The following CPPED1 variants were observed in gnomAD, a reference collection of about 807,000 sequenced individuals.
CPPED1 encodes calcineurin like phosphoesterase domain containing 1.
In CPPED1, 28 loss-of-function variants were observed where a neutral mutation model predicts 28.0. That is an observed-to-expected ratio of 1.00 (90% CI 0.74 to 1.37). The LOEUF (loss-of-function observed/expected upper bound fraction) is 1.37, where lower values mean the gene tolerates loss of function less well. Among genes scored for constraint, CPPED1 ranks in the 40% most tolerant of loss-of-function variants. CPPED1 has a pLI of 0.00. For synonymous variants in CPPED1, 198 were observed against 180.2 expected (o/e 1.10, Z -0.79); for missense variants, 504 against 416.5 (o/e 1.21, Z -1.83).
intron 2 of CPPED1, among the ~76,000 whole-genome samples, chr16:12,742,534 C>A (rs1162861148): frequency 6.6e-6 from 1 of 152,192 alleles, no homozygotes; most frequent in Non-Finnish European, 1.5e-5. Flanking sequence ...TGCCTGCCAC[C>A]TTCCTCCAAA....
rs373564895 is a variant in CPPED1, at chr16:12,781,355, T to A, written c.119A>T (p.Asp40Val). The A allele has an allele frequency of 4.1e-5, 66 of 1,614,024 alleles. No individual in the cohort carries two copies. Among genetic ancestry groups the A allele is most frequent in the African/African-American group, 5.3e-5 (4 of 74,904 alleles). The change falls in exon 2 of 4, where the codon GAC becomes GTC. Residue 40 changes from aspartate (D) to valine (V), a missense_variant. Asp to Val is a radical substitution (Grantham distance 152). Coordinates refer to ENST00000381774, the MANE Select transcript of CPPED1 (RefSeq NM_018340.3). ...GGCCTTGATCAGCCCAAACTGTGGG[T>A]CTGCGCCCAGGATGAAGTAGAATGG... ...KGPFYFILGA[D>V]PQFGLIKAWS... is the part of the protein sequence containing the mutation.
chr16:12,672,965 G>C (rs2079860034), intron 3 of CPPED1, among the ~76,000 whole-genome samples: 1 of 152,136 alleles, frequency 6.6e-6, no homozygotes, highest in South Asian at 2.1e-4. Flanking sequence ...AGTGAGCTGA[G>C]ATTGTGCCAC....
chr16:12,802,644 T>C (rs1466746895), intron 1 of CPPED1, among the ~76,000 whole-genome samples: 1 of 152,160 alleles, frequency 6.6e-6, no homozygotes, highest in Non-Finnish European at 1.5e-5. Flanking sequence ...CGGAGAAACC[T>C]ACTTTAGATA....
chr16:12,714,938 G>T (rs974707539), intron 2 of CPPED1, among the ~76,000 whole-genome samples: 7 of 148,504 alleles, frequency 4.7e-5, no homozygotes, highest in Non-Finnish European at 8.9e-5. Context: ...TCTTCTTTGG[G>T]CTTTGATCCA....
intron 3 of CPPED1, among the ~76,000 whole-genome samples, chr16:12,673,043 A>G (rs2079860477): frequency 6.6e-6 from 1 of 152,138 alleles, no homozygotes; most frequent in African/African-American, 2.4e-5. Flanking sequence ...GAGAAAAAAA[A>G]AGAAAAAGAA....
At chr16:12,680,051 C>G (rs1227497803) in intron 3 of CPPED1, among the ~76,000 whole-genome samples, 1 of 152,138 alleles carries the variant, frequency 6.6e-6, no homozygotes, top group Non-Finnish European at 1.5e-5. Context: ...ATAAGACAAC[C>G]TTTGTTCACA....
chr16:12,751,295 G>T (rs1342597510), intron 2 of CPPED1, among the ~76,000 whole-genome samples: 2 of 152,242 alleles, frequency 1.3e-5, no homozygotes, highest in African/African-American at 2.4e-5. Flanking sequence ...AATTAACAGT[G>T]CTACTCCAGT....
In CPPED1 at chr16:12,738,306, G is replaced by A. The variant is rs187124133; in HGVS notation, c.290-33257C>T. Among the ~76,000 whole-genome samples the A allele has an allele frequency of 8.4e-4, 128 of 152,170 alleles. 1 individual carries two copies. Among genetic ancestry groups the A allele is most frequent in the African/African-American group, 2.5e-3 (102 of 41,518 alleles). ...ATGCAAAAAAAATTTTTAAAAATTA[G>A]GAAGGAAATATGCCAACAATGTTAA... On this transcript the variant is annotated intron_variant, in intron 2 of 3. Transcript: ENST00000381774.
intron 2 of CPPED1, among the ~76,000 whole-genome samples, chr16:12,778,400 C>A (rs965669105): frequency 6.6e-6 from 1 of 151,686 alleles, no homozygotes; most frequent in Non-Finnish European, 1.5e-5. Context: ...CTCAGCCCCC[C>A]AGAGTAGCTG....
At chr16:12,787,641 G>A (rs1056008846) in intron 1 of CPPED1, among the ~76,000 whole-genome samples, 17 of 152,066 alleles carry the variant, frequency 1.1e-4, no homozygotes, top group Middle Eastern at 6.8e-3. Flanking sequence ...TCCTGACCTC[G>A]TGATCTGCCC....
chr16:12,696,968 A>G (rs2079994411), intron 3 of CPPED1, among the ~76,000 whole-genome samples: 1 of 152,156 alleles, frequency 6.6e-6, no homozygotes, highest in South Asian at 2.1e-4. Context: ...CAAACCTCCA[A>G]GTTTTGCCTT....
At chr16:12,764,661 A>G (rs907458641) in intron 2 of CPPED1, among the ~76,000 whole-genome samples, 1 of 152,178 alleles carries the variant, frequency 6.6e-6, no homozygotes, top group African/African-American at 2.4e-5. Context: ...TTAATAAACC[A>G]TGAGCCTGGT....
intron 2 of CPPED1, among the ~76,000 whole-genome samples, chr16:12,711,752 G>T (rs766849256): frequency 3.9e-5 from 6 of 152,054 alleles, no homozygotes; most frequent in African/African-American, 7.2e-5. Context: ...CTTTATTAGG[G>T]GTGTCCTCTG....
rs1486463719 is a variant in CPPED1, at chr16:12,661,285, G to T, written c.*3601C>A. 1.3e-5 allele frequency: 2 copies of T among 152,122 alleles called. No individual in the cohort carries two copies. The highest frequency in any genetic ancestry group is 4.8e-5 in the African/African-American group (2 of 41,426). The allele number at this position is 152,122 out of a possible 1,614,324, so 9.4% of individuals were successfully genotyped here. A position where few individuals can be genotyped will look rare whatever the true frequency, so the allele number is the denominator to read the frequency against. On this transcript the variant is annotated 3_prime_UTR_variant, in exon 4 of 4. Coordinates refer to ENST00000381774, the MANE Select transcript of CPPED1 (RefSeq NM_018340.3). ...AGGTCAATGGCCCTAGTCTAATTCAGATTTAAACTAGTGCTTGCCTTGTAA... is the reference window on the plus strand; with the variant it reads ...AGGTCAATGGCCCTAGTCTAATTCATATTTAAACTAGTGCTTGCCTTGTAA...
At chr16:12,737,115 G>A (rs184520506) in intron 2 of CPPED1, among the ~76,000 whole-genome samples, 38 of 152,228 alleles carry the variant, frequency 2.5e-4, no homozygotes, top group African/African-American at 8.4e-4. Flanking sequence ...TCTTGAACCC[G>A]GGAGGTGGAG....
intron 2 of CPPED1, among the ~76,000 whole-genome samples, chr16:12,734,937 T>C (rs1180107981): frequency 6.6e-6 from 1 of 152,122 alleles, no homozygotes; most frequent in African/African-American, 2.4e-5. Flanking sequence ...AGCTCTCCCA[T>C]GCCCATCACC....
At position 12,736,597 on chromosome 16, in the gene CPPED1, T is replaced by G. The variant is rs565372486; in HGVS notation, c.290-31548A>C. On this transcript the variant is annotated intron_variant, in intron 2 of 3. Transcript: ENST00000381774. Reference sequence around the variant, plus strand: ...GCTGTTGTGTTGAAGGGAATCAAAGTAAATTCTAGCCCATAGAAGTGAATA... The same window carrying G: ...GCTGTTGTGTTGAAGGGAATCAAAGGAAATTCTAGCCCATAGAAGTGAATA... Among the ~76,000 whole-genome samples, 3 of 152,230 alleles carry G rather than the reference T, an allele frequency of 2.0e-5. No homozygotes were observed. The East Asian group carries it at 5.8e-4, about 29-fold the overall frequency.
chr16:12,677,000 C>T (rs1469832934), intron 3 of CPPED1, among the ~76,000 whole-genome samples: 2 of 152,154 alleles, frequency 1.3e-5, no homozygotes, highest in Non-Finnish European at 1.5e-5. Context: ...ACTAAAACAC[C>T]TGCCAAGTAG....
chr16:12,665,692 G>A (rs568591270), intron 3 of CPPED1, among the ~76,000 whole-genome samples: 14 of 152,308 alleles, frequency 9.2e-5, no homozygotes, highest in Non-Finnish European at 1.5e-4. Flanking sequence ...CACTTTGGGA[G>A]GCCAAGGTGG....
Sources: gnomAD v4.1 joint callset for allele counts (sites outside exome capture counted in the v4.1 genomes callset) on GRCh38, gnomAD v4.1.1 for gene constraint, MANE v1.5 for transcripts, NCBI Gene and HGNC (gene_info 2026-07-23, HGNC 2026-07-21) for gene names.